Variants in USP9Y observed in about 807,000 individuals in gnomAD.
USP9Y encodes ubiquitin specific peptidase 9 Y-linked, also known as ubiquitin carboxyl-terminal hydrolase 9Y.
USP9Y carries 41 observed loss-of-function variants against 53.1 expected under a neutral mutation model. The observed-to-expected ratio is 0.77, with a 90% CI of 0.60 to 1.00. The LOEUF (loss-of-function observed/expected upper bound fraction) is 1.00. Among genes scored for constraint, USP9Y ranks in the 50% least tolerant of loss-of-function variants. The pLI, the probability that USP9Y is intolerant of heterozygous loss-of-function variation, is 0.00. For synonymous variants in USP9Y, 220 were observed against 173.7 expected (o/e 1.27, Z -2.09); for missense variants, 567 against 535.8 (o/e 1.06, Z -0.58).
At chrY:12,742,547 C>G in intron 12 of USP9Y, among the ~76,000 whole-genome samples, 1 of 32,996 alleles carries the variant, frequency 3.0e-5, no homozygotes, top group Non-Finnish European at 7.4e-5. Flanking sequence ...ATTTGCAAAC[C>G]TTTAGCTAGA....
chrY:12,826,705 GAAAAAA>G (rs782619044), intron 33 of USP9Y, among the ~76,000 whole-genome samples: 2 of 8,542 alleles, frequency 2.3e-4, no homozygotes, highest in African/African-American at 9.6e-4. Context: ...AATGAAGTTG[GAAAAAA>G]AAAAAAAAAA....
At position 12,778,217 on chromosome Y, in the gene USP9Y, T is replaced by C; in HGVS notation, c.2838T>C (p.Asp946=). ...FVGGELIDSE[D]DRKLIGQLNL... ...GTGGTGAGCTGATAGATTCTGAAGA[T>C]GACAGAAAGCTAATTGGACAATTAA... is the stretch of plus-strand genomic sequence containing the variant. Residue 946 remains aspartate (D), a synonymous_variant, in exon 20 of 46, where the codon GAT becomes GAC. Transcript: ENST00000338981. 2 of 393,967 alleles carry C rather than the reference T, an allele frequency of 5.1e-6. No homozygotes were observed. The highest frequency in any genetic ancestry group is 6.0e-5 in the South Asian group (2 of 33,356).
chrY:12,783,092 C>G (rs2053499469), intron 22 of USP9Y, among the ~76,000 whole-genome samples: 2 of 33,695 alleles, frequency 5.9e-5, no homozygotes, highest in African/African-American at 2.3e-4. Flanking sequence ...TATATCCAGA[C>G]AGCTAAAGCT....
At chrY:12,760,984 C>T (rs2053474883) in intron 15 of USP9Y, among the ~76,000 whole-genome samples, 2 of 34,033 alleles carry the variant, frequency 5.9e-5, no homozygotes, top group Admixed American at 2.6e-4. Flanking sequence ...TTGAGGGGAA[C>T]GGAGTCTCAC....
chrY:12,801,457 T>TG (rs2053519220), intron 27 of USP9Y, among the ~76,000 whole-genome samples: 1 of 34,206 alleles, frequency 2.9e-5, no homozygotes, highest in African/African-American at 1.1e-4. Context: ...TCTTTTGATT[T>TG]AGAATTTTCT....
chrY:12,859,466 G>C lies in USP9Y; in HGVS notation c.*50G>C. 2.6e-6 allele frequency: 1 copy of C among 385,323 alleles called. No homozygotes were observed. The highest frequency in any genetic ancestry group is 3.7e-6 in the Non-Finnish European group (1 of 272,070). On this transcript the variant is annotated 3_prime_UTR_variant, in exon 46 of 46. Coordinates refer to ENST00000338981, the MANE Select transcript of USP9Y (RefSeq NM_004654.4). ...TATGACTATGCACTAAGGTCTTATA[G>C]TCCAAACTTTCTCTGTGTCTGGCTA...
chrY:12,837,598 A>C (rs763350804), intron 34 of USP9Y, among the ~76,000 whole-genome samples: 27 of 33,062 alleles, frequency 8.2e-4, no homozygotes, highest in African/African-American at 3.2e-3. Flanking sequence ...TTGAGAATCG[A>C]ATGCTGTCCC....
At chrY:12,802,647 C>T in intron 27 of USP9Y, 2 of 33,685 alleles carry the variant, frequency 5.9e-5, no homozygotes, top group African/African-American at 2.3e-4. Flanking sequence ...CAGTATCTGT[C>T]GGCACTTTGT....
At chrY:12,816,373 A>G (rs757935771) in intron 32 of USP9Y, 29 bp downstream of exon 32, 1 of 352,046 alleles carries the variant, frequency 2.8e-6, no homozygotes, top group East Asian at 9.8e-5. Context: ...TTCTTTGAAG[A>G]GTCTGATAGC....
intron 27 of USP9Y, among the ~76,000 whole-genome samples, chrY:12,799,515 G>GT (rs2053516613): frequency 3.0e-5 from 1 of 33,654 alleles, no homozygotes; most frequent in Non-Finnish European, 7.4e-5. Flanking sequence ...AATGAGTTTG[G>GT]TGTTTGTCCC....
At chrY:12,731,693 T>G in intron 7 of USP9Y, among the ~76,000 whole-genome samples, 1 of 33,328 alleles carries the variant, frequency 3.0e-5, no homozygotes, top group Non-Finnish European at 7.4e-5. Context: ...CATTGAATTA[T>G]CACCTAGGGC....
In USP9Y at chrY:12,790,514, T is replaced by C; in HGVS notation, c.3669T>C (p.Ala1223=). Reference sequence around the variant, plus strand: ...TTAGAAATGAGTCCATACTTCTTGCTCAGGAAATATCTAATGAGGTTAGTA... The same window carrying C: ...TTAGAAATGAGTCCATACTTCTTGCCCAGGAAATATCTAATGAGGTTAGTA... ...CVLRNESILL[A]QEISNEASRY... is the part of the protein sequence containing the mutation. The change falls in exon 25 of 46, where the codon GCT becomes GCC. Residue 1223 remains alanine (A), a synonymous_variant. Transcript: ENST00000338981. The C allele has an allele frequency of 2.5e-6, 1 of 396,225 alleles. No homozygotes were observed. Among genetic ancestry groups the C allele is most frequent in the Middle Eastern group, 5.9e-4 (1 of 1,696 alleles).
At chrY:12,745,651 C>T in intron 12 of USP9Y, among the ~76,000 whole-genome samples, 1 of 33,969 alleles carries the variant, frequency 2.9e-5, no homozygotes, top group Non-Finnish European at 7.3e-5. Context: ...TCTTACTGCA[C>T]TGACGCAAAC....
At chrY:12,743,758 A>G (rs2148282545) in intron 12 of USP9Y, among the ~76,000 whole-genome samples, 2 of 33,829 alleles carry the variant, frequency 5.9e-5, no homozygotes, top group Non-Finnish European at 1.5e-4. Context: ...GGTTGGGGCT[A>G]TTATAAACTG....
chrY:12,715,605 C>T (rs2148279596), intron 3 of USP9Y, among the ~76,000 whole-genome samples: 1 of 33,202 alleles, frequency 3.0e-5, no homozygotes, highest in African/African-American at 1.2e-4. Flanking sequence ...AGCCACCACG[C>T]CCAGCCTCTT....
intron 33 of USP9Y, 79 bp downstream of exon 33, chrY:12,818,689 A>G: frequency 4.2e-6 from 1 of 235,955 alleles, no homozygotes; most frequent in South Asian, 3.6e-5. Flanking sequence ...CTTAGAATAC[A>G]TAATTAGTTT....
At chrY:12,719,185 A>T in intron 3 of USP9Y, among the ~76,000 whole-genome samples, 1 of 33,855 alleles carries the variant, frequency 3.0e-5, no homozygotes, top group African/African-American at 1.1e-4. Flanking sequence ...CTAAAACATA[A>T]TTGGTATTTG....
chrY:12,758,937 T>C, intron 14 of USP9Y, among the ~76,000 whole-genome samples: 2 of 33,705 alleles, frequency 5.9e-5, no homozygotes, highest in African/African-American at 2.3e-4. Context: ...GTATCAGATA[T>C]TATGCCATGT....
At chrY:12,755,598 T>C in intron 12 of USP9Y, among the ~76,000 whole-genome samples, 2 of 33,861 alleles carry the variant, frequency 5.9e-5, no homozygotes, top group Admixed American at 5.4e-4. Flanking sequence ...TGGAGGGTTA[T>C]TGGAATATTT....
Sources: allele counts gnomAD v4.1 joint callset (sites outside exome capture counted in the v4.1 genomes callset), GRCh38; gene constraint gnomAD v4.1.1; transcripts MANE v1.5; gene names NCBI Gene and HGNC (gene_info 2026-07-23, HGNC 2026-07-21).